Variants in NAALADL2 observed in about 807,000 individuals in gnomAD.
NAALADL2 encodes inactive N-acetylated-alpha-linked acidic dipeptidase-like protein 2.
NAALADL2 carries 76 observed loss-of-function variants against 87.2 expected under a neutral mutation model. The ratio of observed to expected loss-of-function variants is 0.87; its 90% CI spans 0.72 to 1.05. The LOEUF is 1.05. Ranked by LOEUF, NAALADL2 falls within the 50% of genes least tolerant of loss-of-function variation. The pLI, the probability that NAALADL2 is intolerant of heterozygous loss-of-function variation, is 0.00. For synonymous variants in NAALADL2, 354 were observed against 331.0 expected (o/e 1.07, Z -0.75); for missense variants, 1,089 against 945.8 (o/e 1.15, Z -1.99).
chr3:175,342,682 C>T (rs1221151033), intron 5 of NAALADL2, among the ~76,000 whole-genome samples: 1 of 152,022 alleles, frequency 6.6e-6, no homozygotes, highest in Admixed American at 6.6e-5. Flanking sequence ...ATGGCAATGA[C>T]TAAAAAATAG....
At chr3:175,416,284 T>A (rs979761700) in intron 5 of NAALADL2, among the ~76,000 whole-genome samples, 7 of 151,512 alleles carry the variant, frequency 4.6e-5, no homozygotes, top group Admixed American at 3.3e-4. Context: ...ATATTTACAG[T>A]GTTGTGTTGT....
At chr3:174,960,545 C>A (rs900493335) in intron 1 of NAALADL2, among the ~76,000 whole-genome samples, 6 of 151,982 alleles carry the variant, frequency 3.9e-5, no homozygotes, top group Admixed American at 3.3e-4. Flanking sequence ...TAATCTGGGA[C>A]TATCTAATTA....
At chr3:175,495,094 T>TATATATATATATATATATATA (rs1167550415) in intron 9 of NAALADL2, among the ~76,000 whole-genome samples, 12 of 133,274 alleles carry the variant, frequency 9.0e-5, no homozygotes, top group African/African-American at 3.4e-4. Context: ...ATATATATAT[T>TATATATATATATATATATATA]TTTTTTTAAT....
At chr3:175,134,408 G>C (rs1728759223) in intron 2 of NAALADL2, among the ~76,000 whole-genome samples, 1 of 151,300 alleles carries the variant, frequency 6.6e-6, no homozygotes, top group East Asian at 1.9e-4. Context: ...TTCATCATGA[G>C]TGTCATCAGC....
intron 9 of NAALADL2, among the ~76,000 whole-genome samples, chr3:175,483,775 C>T (rs1386512303): frequency 6.6e-6 from 1 of 152,042 alleles, no homozygotes; most frequent in East Asian, 1.9e-4. Context: ...GCAGACATTT[C>T]ACTGAGAAGA....
intron 1 of NAALADL2, among the ~76,000 whole-genome samples, chr3:174,933,642 T>G (rs1462195854): frequency 1.3e-5 from 2 of 152,240 alleles, no homozygotes; most frequent in African/African-American, 2.4e-5. Context: ...GTTAAAATTC[T>G]AAGCCTATTG....
intron 13 of NAALADL2, among the ~76,000 whole-genome samples, chr3:175,771,115 A>G (rs571464341): frequency 5.3e-5 from 8 of 152,280 alleles, no homozygotes; most frequent in African/African-American, 1.9e-4. Flanking sequence ...CCTATGCTTC[A>G]TTTTATTTCA....
At chr3:175,429,752 A>G (rs1011826259) in intron 5 of NAALADL2, among the ~76,000 whole-genome samples, 1 of 152,026 alleles carries the variant, frequency 6.6e-6, no homozygotes, top group Non-Finnish European at 1.5e-5. Flanking sequence ...ATGGAATACT[A>G]TGCAACATCC....
intron 3 of NAALADL2, among the ~76,000 whole-genome samples, chr3:174,817,846 A>G (rs1290402733): frequency 6.6e-6 from 1 of 152,154 alleles, no homozygotes; most frequent in African/African-American, 2.4e-5. Context: ...TTTCTAGCTC[A>G]CACGTTTATC....
chr3:174,924,653 G>A (rs563487192), intron 1 of NAALADL2, among the ~76,000 whole-genome samples: 2 of 152,132 alleles, frequency 1.3e-5, no homozygotes, highest in Non-Finnish European at 2.9e-5. Context: ...TTCCACAATG[G>A]TTGAACCAGT....
intron 13 of NAALADL2, among the ~76,000 whole-genome samples, chr3:175,781,944 G>C (rs1415035565): frequency 6.7e-6 from 1 of 150,114 alleles, no homozygotes; most frequent in Non-Finnish European, 1.5e-5. Context: ...CTATGAGTGA[G>C]AATATGCAGT....
chr3:174,796,243 C>T (rs1405282954), intron 3 of NAALADL2, among the ~76,000 whole-genome samples: 3 of 152,212 alleles, frequency 2.0e-5, no homozygotes, highest in Non-Finnish European at 4.4e-5. Flanking sequence ...GAAAATAACT[C>T]TAACGGGTAC....
chr3:175,533,103 C>T (rs1410461430), intron 9 of NAALADL2, among the ~76,000 whole-genome samples: 1 of 152,166 alleles, frequency 6.6e-6, no homozygotes, highest in Non-Finnish European at 1.5e-5. Flanking sequence ...TTTTTTATCT[C>T]CCTGAGCTGC....
At chr3:174,885,123 T>C (rs1006209083) in intron 1 of NAALADL2, among the ~76,000 whole-genome samples, 3 of 152,132 alleles carry the variant, frequency 2.0e-5, no homozygotes, top group African/African-American at 7.2e-5. Context: ...CCCATTGTCA[T>C]TAGGGTCCTC....
intron 9 of NAALADL2, among the ~76,000 whole-genome samples, chr3:175,504,449 C>CTA (rs1319200932): frequency 2.0e-5 from 3 of 152,026 alleles, no homozygotes; most frequent in African/African-American, 7.2e-5. Context: ...GAGATAGGGT[C>CTA]TATAGGAGGC....
At chr3:175,139,879 A>C (rs1560080805) in intron 2 of NAALADL2, among the ~76,000 whole-genome samples, 2 of 152,182 alleles carry the variant, frequency 1.3e-5, no homozygotes, top group Non-Finnish European at 2.9e-5. Flanking sequence ...CAACTGATAA[A>C]AATTTTGACA....
At chr3:174,866,140 A>G (rs950516386) in intron 1 of NAALADL2, among the ~76,000 whole-genome samples, 1 of 151,916 alleles carries the variant, frequency 6.6e-6, no homozygotes, top group Non-Finnish European at 1.5e-5. Flanking sequence ...CAACAGATGC[A>G]TGGATTTCTT....
intron 5 of NAALADL2, among the ~76,000 whole-genome samples, chr3:175,380,170 G>A (rs151024527): frequency 0.053 from 8,053 of 151,920 alleles, 314 homozygotes; most frequent in Non-Finnish European, 0.08. Context: ...TGCATGTTGT[G>A]CACATGTATC....
intron 1 of NAALADL2, among the ~76,000 whole-genome samples, chr3:175,024,483 T>G (rs1464856994): frequency 6.6e-6 from 1 of 152,088 alleles, no homozygotes; most frequent in African/African-American, 2.4e-5. Flanking sequence ...GATGATATCT[T>G]AAAGAGAAAA....
Sources: allele counts gnomAD v4.1 joint callset (sites outside exome capture counted in the v4.1 genomes callset), GRCh38; gene constraint gnomAD v4.1.1; transcripts MANE v1.5; gene names NCBI Gene and HGNC (gene_info 2026-07-23, HGNC 2026-07-21).